TMEM236: variants seen among roughly 807,000 people sequenced by gnomAD.
TMEM236 encodes the protein transmembrane protein 236.
Under a neutral mutation model 14.7 loss-of-function variants are expected in TMEM236, and 11 were observed. That is an observed-to-expected ratio of 0.75 (90% CI 0.47 to 1.24). The LOEUF is 1.24. Among genes scored for constraint, TMEM236 ranks in the 50% most tolerant of loss-of-function variants. The pLI is 0.00. For synonymous variants in TMEM236, 182 were observed against 168.6 expected (o/e 1.08, Z -0.62); for missense variants, 464 against 427.3 (o/e 1.09, Z -0.76).
At chr10:17,789,361 C>A (rs1308388986) in intron 3 of TMEM236, among the ~76,000 whole-genome samples, 4 of 152,270 alleles carry the variant, frequency 2.6e-5, no homozygotes, top group South Asian at 2.1e-4. Context: ...TTACTGCAAC[C>A]TAATATATTC....
intron 3 of TMEM236, among the ~76,000 whole-genome samples, chr10:17,786,222 T>C (rs1350328888): frequency 6.6e-6 from 1 of 152,232 alleles, no homozygotes; most frequent in Non-Finnish European, 1.5e-5. Context: ...TGTGTTACTT[T>C]ATAATACCAA....
intron 1 of TMEM236, among the ~76,000 whole-genome samples, chr10:17,752,931 T>C (rs1837230617): frequency 2.0e-5 from 3 of 152,064 alleles, no homozygotes; most frequent in African/African-American, 7.2e-5. Flanking sequence ...TTTGTTTGTT[T>C]TTTTGTTTGT....
intron 1 of TMEM236, among the ~76,000 whole-genome samples, chr10:17,759,226 G>A (rs1837322748): frequency 6.6e-6 from 1 of 152,166 alleles, no homozygotes; most frequent in African/African-American, 2.4e-5. Flanking sequence ...TATTTTCCTG[G>A]AATATCAGTA....
chr10:17,786,437 C>A (rs1162848415), intron 3 of TMEM236, among the ~76,000 whole-genome samples: 1 of 152,220 alleles, frequency 6.6e-6, no homozygotes, highest in Non-Finnish European at 1.5e-5. Context: ...CAGTGCACTG[C>A]AGCCTCGACC....
intron 1 of TMEM236, among the ~76,000 whole-genome samples, chr10:17,756,165 G>T (rs1246091001): frequency 6.6e-6 from 1 of 152,202 alleles, no homozygotes; most frequent in African/African-American, 2.4e-5. Flanking sequence ...TATTCAAGAG[G>T]TTGGCTTGAG....
At chr10:17,775,770 C>A (rs1837649243) in intron 2 of TMEM236, among the ~76,000 whole-genome samples, 1 of 152,126 alleles carries the variant, frequency 6.6e-6, no homozygotes, top group African/African-American at 2.4e-5. Context: ...TACAGGGAGC[C>A]CACTACTGTT....
intron 1 of TMEM236, among the ~76,000 whole-genome samples, chr10:17,765,762 A>G (rs1837452945): frequency 6.6e-6 from 1 of 152,102 alleles, no homozygotes; most frequent in Admixed American, 6.6e-5. Context: ...AGTGGCCCCA[A>G]CCCCTCAGCC....
In TMEM236 at chr10:17,798,504, A is replaced by G. The variant is rs1482176855; in HGVS notation, c.*2000A>G. 6 of 528,340 alleles carry G rather than the reference A, an allele frequency of 1.1e-5. No homozygotes were observed. In the African/African-American group the frequency reaches 1.2e-4, roughly 10 times the overall value. 32.7% of individuals were successfully genotyped at this position (528,340 alleles called of 1,614,324 possible). On this transcript the variant is annotated 3_prime_UTR_variant, in exon 4 of 4. Coordinates refer to ENST00000377495, the MANE Select transcript of TMEM236 (RefSeq NM_001098844.3). ...CAGTGAGCTATGATCATGCCACTGCACTCCAGACTGGGCAACAGAGTGACA... is the reference window on the plus strand; with the variant it reads ...CAGTGAGCTATGATCATGCCACTGCGCTCCAGACTGGGCAACAGAGTGACA...
At chr10:17,762,258 G>A (rs937820258) in intron 1 of TMEM236, among the ~76,000 whole-genome samples, 9 of 151,840 alleles carry the variant, frequency 5.9e-5, no homozygotes, top group African/African-American at 1.9e-4. Context: ...TTCTCCAATG[G>A]GCAGAGTTCC....
At chr10:17,767,428 C>T (rs541712610) in intron 1 of TMEM236, among the ~76,000 whole-genome samples, 1 of 152,148 alleles carries the variant, frequency 6.6e-6, no homozygotes, top group South Asian at 2.1e-4. Context: ...CCATTGCACT[C>T]CAGCCTGGGT....
chr10:17,766,301 ACGGTACAG>A (rs1837462764), intron 1 of TMEM236, among the ~76,000 whole-genome samples: 1 of 152,202 alleles, frequency 6.6e-6, no homozygotes, highest in Non-Finnish European at 1.5e-5. Flanking sequence ...CCAACAGAGC[ACGGTACAG>A]CCAAATTTTC....
In TMEM236 at chr10:17,785,072, A is replaced by G. The variant is rs1404612244; in HGVS notation, c.472+8902A>G. ...TCGCAGAGCAGGAAGGAAGAAGGAAAAGGAACTGTTTCTTTCTGAGTTATT... is the reference window on the plus strand; with the variant it reads ...TCGCAGAGCAGGAAGGAAGAAGGAAGAGGAACTGTTTCTTTCTGAGTTATT... On this transcript the variant is annotated intron_variant, in intron 3 of 3. Transcript: ENST00000377495. 2.6e-4 allele frequency among the ~76,000 whole-genome samples: 40 copies of G among 152,328 alleles called. 2 individuals are homozygous for G. In the East Asian group the frequency reaches 7.1e-3, roughly 27 times the overall value.
At chr10:17,789,193 T>C (rs1176002061) in intron 3 of TMEM236, among the ~76,000 whole-genome samples, 2 of 152,196 alleles carry the variant, frequency 1.3e-5, no homozygotes, top group Non-Finnish European at 1.5e-5. Context: ...GCATTTTTCT[T>C]TGTGATGTGA....
chr10:17,770,051 C>T (rs78945174), intron 1 of TMEM236, among the ~76,000 whole-genome samples: 24 of 152,154 alleles, frequency 1.6e-4, no homozygotes, highest in Non-Finnish European at 2.2e-4. Flanking sequence ...GAGTACCCAA[C>T]GTTTAGCTCC....
chr10:17,760,268 C>G (rs1398595002), intron 1 of TMEM236, among the ~76,000 whole-genome samples: 1 of 151,992 alleles, frequency 6.6e-6, no homozygotes, highest in African/African-American at 2.4e-5. Flanking sequence ...AACATTTTCT[C>G]ATAGATTTAT....
At chr10:17,762,314 A>C (rs1837378435) in intron 1 of TMEM236, among the ~76,000 whole-genome samples, 1 of 151,982 alleles carries the variant, frequency 6.6e-6, no homozygotes, top group South Asian at 2.1e-4. Flanking sequence ...GACTCTTTTG[A>C]AAGTCTCCTT....
chr10:17,771,384 A>T lies in TMEM236; in HGVS notation c.330+3A>T, dbSNP rs372570017. On this transcript the variant is annotated splice_donor_region_variant and intron_variant, in intron 2 of 3. Coordinates refer to ENST00000377495, the MANE Select transcript of TMEM236 (RefSeq NM_001098844.3). ...CCTTTTCCATAGCAGTGACTGAGGT[A>T]TGGAATTTTTGATTTCTTCTGCTAC... 8 of 1,613,288 alleles carry T rather than the reference A, an allele frequency of 5.0e-6. No individual in the cohort carries two copies. The highest frequency in any genetic ancestry group is 5.9e-6 in the Non-Finnish European group (7 of 1,179,338).
At chr10:17,780,641 G>T (rs1197581124) in intron 3 of TMEM236, among the ~76,000 whole-genome samples, 1 of 152,152 alleles carries the variant, frequency 6.6e-6, no homozygotes, top group African/African-American at 2.4e-5. Flanking sequence ...ACTAAGGCGT[G>T]TATGTAGCAA....
chr10:17,797,953 A>C lies in TMEM236; in HGVS notation c.*1449A>C, dbSNP rs1838043514. ...AAAGTACAAGCCCTGTTTAAAATTAAAAGTTCGGCTTACAAATATAATAGC... is the reference window on the plus strand; with the variant it reads ...AAAGTACAAGCCCTGTTTAAAATTACAAGTTCGGCTTACAAATATAATAGC... On this transcript the variant is annotated 3_prime_UTR_variant, in exon 4 of 4. Transcript: ENST00000377495. 1 of 152,272 alleles carries C rather than the reference A, an allele frequency of 6.6e-6. No individual in the cohort carries two copies. Among genetic ancestry groups the C allele is most frequent in the African/African-American group, 2.4e-5 (1 of 41,472 alleles). The allele number at this position is 152,272 out of a possible 1,614,324, so 9.4% of individuals were successfully genotyped here.
Sources: allele counts gnomAD v4.1 joint callset (sites outside exome capture counted in the v4.1 genomes callset), GRCh38; gene constraint gnomAD v4.1.1; transcripts MANE v1.5; gene names NCBI Gene and HGNC (gene_info 2026-07-23, HGNC 2026-07-21).